Variants in EPB41L4A observed in about 807,000 individuals in gnomAD.
EPB41L4A encodes band 4.1-like protein 4A.
A neutral mutation model predicts 108.6 loss-of-function variants in EPB41L4A; 100 were observed. That is an observed-to-expected ratio of 0.92 (90% CI 0.78 to 1.09). EPB41L4A has a LOEUF of 1.09. EPB41L4A is among the 50% of genes least tolerant of loss of function. The probability of loss-of-function intolerance (pLI) is 0.00; values close to 1 mark genes in which losing one functional copy is unlikely to be tolerated. For missense variants in EPB41L4A, 1,030 were observed against 842.7 expected (o/e 1.22, Z -2.75); for synonymous variants, 319 against 289.0 (o/e 1.10, Z -1.05).
chr5:112,419,098 C>T lies in EPB41L4A; in HGVS notation c.-59G>A, dbSNP rs1762909972. On this transcript the variant is annotated 5_prime_UTR_variant, in exon 1 of 23. Transcript: ENST00000261486. ...GCTACCACCGAGGCGCCCAGCCGCC[C>T]CCTCCACTCAAGCGCGATGCATTAA... The T allele has an allele frequency of 1.4e-5, 18 of 1,312,970 alleles. No homozygotes were observed. The highest frequency in any genetic ancestry group is 1.9e-5 in the Non-Finnish European group (17 of 908,870). The allele number at this position is 1,312,970 out of a possible 1,614,324, so 81.3% of individuals were successfully genotyped here. A position where few individuals can be genotyped will look rare whatever the true frequency, so the allele number is the denominator to read the frequency against.
At chr5:112,379,485 A>G (rs566889440) in intron 1 of EPB41L4A, among the ~76,000 whole-genome samples, 2 of 152,332 alleles carry the variant, frequency 1.3e-5, no homozygotes, top group Admixed American at 6.5e-5. Flanking sequence ...AACATTGAAG[A>G]AATGACAGGG....
At chr5:112,329,019 G>C (rs924369986) in intron 1 of EPB41L4A, among the ~76,000 whole-genome samples, 1 of 152,228 alleles carries the variant, frequency 6.6e-6, no homozygotes, top group African/African-American at 2.4e-5. Flanking sequence ...AACTTGAACA[G>C]TGTGTGTTTA....
At chr5:112,376,411 G>C (rs866349884) in intron 1 of EPB41L4A, among the ~76,000 whole-genome samples, 1 of 152,190 alleles carries the variant, frequency 6.6e-6, no homozygotes, top group Admixed American at 6.5e-5. Flanking sequence ...AAGAAATTGG[G>C]TAACTCATAC....
At chr5:112,412,240 G>A (rs985559278) in intron 1 of EPB41L4A, among the ~76,000 whole-genome samples, 2 of 152,030 alleles carry the variant, frequency 1.3e-5, no homozygotes, top group East Asian at 3.9e-4. Flanking sequence ...CTTCCTCTTG[G>A]CATGTCAATA....
At chr5:112,367,440 C>G (rs1432515712) in intron 1 of EPB41L4A, among the ~76,000 whole-genome samples, 2 of 152,196 alleles carry the variant, frequency 1.3e-5, no homozygotes, top group Admixed American at 6.5e-5. Context: ...TCACTCACTG[C>G]TTACACAAAC....
chr5:112,399,332 T>G (rs1003336803), intron 1 of EPB41L4A, among the ~76,000 whole-genome samples: 11 of 152,210 alleles, frequency 7.2e-5, no homozygotes, highest in African/African-American at 2.6e-4. Flanking sequence ...CAGATTCCCC[T>G]GTTGTATACT....
chr5:112,239,796 A>AC, intron 10 of EPB41L4A, 59 bp from the exon 11 acceptor site: 1 of 1,146,378 alleles, frequency 8.7e-7, no homozygotes, highest in Non-Finnish European at 1.3e-6. Context: ...ATTCTGGGCC[A>AC]CCCCCTTCTC....
intron 17 of EPB41L4A, among the ~76,000 whole-genome samples, chr5:112,191,749 GA>G (rs1220795584): frequency 6.6e-6 from 1 of 151,758 alleles, no homozygotes; most frequent in Non-Finnish European, 1.5e-5. Context: ...GCAACTTCCA[GA>G]AAGTAAAAGT....
chr5:112,375,349 A>ACC (rs1759752909), intron 1 of EPB41L4A, among the ~76,000 whole-genome samples: 1 of 150,150 alleles, frequency 6.7e-6, no homozygotes, highest in African/African-American at 2.5e-5. Context: ...ACACACACAC[A>ACC]CACACACCCC....
chr5:112,176,626 C>T (rs1760876603), intron 18 of EPB41L4A, among the ~76,000 whole-genome samples: 1 of 152,118 alleles, frequency 6.6e-6, no homozygotes, highest in South Asian at 2.1e-4. Flanking sequence ...CTTCATTTCA[C>T]CACCACCATC....
At chr5:112,406,479 C>T (rs1375576702) in intron 1 of EPB41L4A, among the ~76,000 whole-genome samples, 2 of 152,050 alleles carry the variant, frequency 1.3e-5, no homozygotes, top group Non-Finnish European at 2.9e-5. Context: ...AAAGAAATTC[C>T]ACGCAAGCCA....
At chr5:112,417,169 C>T (rs1435054244) in intron 1 of EPB41L4A, among the ~76,000 whole-genome samples, 3 of 152,226 alleles carry the variant, frequency 2.0e-5, no homozygotes, top group Non-Finnish European at 4.4e-5. Flanking sequence ...ATTTGTAAAA[C>T]AAGATAAGCA....
At chr5:112,222,971 T>G (rs1269085376) in intron 12 of EPB41L4A, among the ~76,000 whole-genome samples, 1 of 150,438 alleles carries the variant, frequency 6.6e-6, no homozygotes, top group Non-Finnish European at 1.5e-5. Flanking sequence ...AGATGGAGTC[T>G]GGCTCTGTCG....
Position 112,209,965 on chromosome 5 carries a change from T to C in EPB41L4A, c.1105A>G (p.Arg369Gly), listed in dbSNP as rs1305601857. ...TQPAESNSIS[R>G]ITANMENGEN... ...CCATTTTCCATGTTTGCAGTTATCC[T>C]ACTGATGCTGTTTGATTCTAGCAGA... Residue 369 changes from arginine (R) to glycine (G), a missense_variant, in exon 13 of 23, where the codon AGG (arginine) becomes GGG (glycine). By Grantham distance (125) the Arg-to-Gly change is moderately radical. Coordinates refer to ENST00000261486, the MANE Select transcript of EPB41L4A (RefSeq NM_022140.5). 6 of 1,598,712 alleles carry C rather than the reference T, an allele frequency of 3.8e-6. No homozygotes were observed. Among genetic ancestry groups the C allele is most frequent in the Non-Finnish European group, 8.6e-7 (1 of 1,167,282 alleles).
intron 4 of EPB41L4A, among the ~76,000 whole-genome samples, chr5:112,268,852 A>AAAAG (rs1328676970): frequency 6.6e-6 from 1 of 150,954 alleles, no homozygotes; most frequent in Non-Finnish European, 1.5e-5. Flanking sequence ...CAAAAAAAAA[A>AAAAG]AAAAAAAAAA....
chr5:112,316,427 C>T (rs960151192), intron 1 of EPB41L4A, among the ~76,000 whole-genome samples: 4 of 152,050 alleles, frequency 2.6e-5, no homozygotes, highest in Non-Finnish European at 4.4e-5. Flanking sequence ...TAGGCCATTA[C>T]GATAAGGCAA....
intron 1 of EPB41L4A, among the ~76,000 whole-genome samples, chr5:112,415,722 T>C (rs1011344790): frequency 1.3e-5 from 2 of 152,066 alleles, no homozygotes; most frequent in African/African-American, 2.4e-5. Flanking sequence ...ATACCAAATA[T>C]CCTTACTTGA....
chr5:112,394,397 G>A (rs1363050957), intron 1 of EPB41L4A, among the ~76,000 whole-genome samples: 1 of 152,122 alleles, frequency 6.6e-6, no homozygotes, highest in African/African-American at 2.4e-5. Flanking sequence ...CAAAGTCTCA[G>A]GATACAAAAT....
intron 2 of EPB41L4A, 107 bp downstream of exon 2, chr5:112,307,279 C>CT: frequency 1.5e-6 from 1 of 675,542 alleles, no homozygotes; most frequent in Non-Finnish European, 2.5e-6. Context: ...TTTTCAAAGT[C>CT]TTTTTCAGTG....
Sources: gnomAD v4.1 joint callset for allele counts (sites outside exome capture counted in the v4.1 genomes callset) on GRCh38, gnomAD v4.1.1 for gene constraint, MANE v1.5 for transcripts, NCBI Gene and HGNC (gene_info 2026-07-23, HGNC 2026-07-21) for gene names.